Variants in FER1L6 observed in about 807,000 individuals in gnomAD.
FER1L6 encodes fer-1-like protein 6.
Under a neutral mutation model 219.2 loss-of-function variants are expected in FER1L6, and 177 were observed. That is an observed-to-expected ratio of 0.81 (90% CI 0.71 to 0.91). The LOEUF (loss-of-function observed/expected upper bound fraction) is 0.91. Among genes scored for constraint, FER1L6 ranks in the 40% least tolerant of loss-of-function variants. FER1L6 has a pLI of 0.00. For missense variants in FER1L6, 2,153 were observed against 2,259.9 expected (o/e 0.95, Z 0.96); for synonymous variants, 768 against 824.3 (o/e 0.93, Z 1.17).
intron 1 of FER1L6, among the ~76,000 whole-genome samples, chr8:123,882,367 C>T (rs952741750): frequency 3.9e-5 from 6 of 152,096 alleles, no homozygotes; most frequent in African/African-American, 9.7e-5. Context: ...TAGATGAAAT[C>T]GGAGTGATTA....
chr8:123,988,594 T>C (rs568849019), intron 12 of FER1L6, among the ~76,000 whole-genome samples: 1 of 152,216 alleles, frequency 6.6e-6, no homozygotes, highest in East Asian at 1.9e-4. Context: ...CTATTGTAAA[T>C]GGGATTACTT....
At chr8:123,991,206 T>C (rs1816840303) in intron 12 of FER1L6, among the ~76,000 whole-genome samples, 1 of 152,164 alleles carries the variant, frequency 6.6e-6, no homozygotes, top group South Asian at 2.1e-4. Context: ...CTTTTTTTGG[T>C]TTTACATGAA....
chr8:123,917,671 T>G (rs1813228434), intron 1 of FER1L6, among the ~76,000 whole-genome samples: 2 of 152,336 alleles, frequency 1.3e-5, no homozygotes, highest in Admixed American at 1.3e-4. Context: ...AAAAGTAAAA[T>G]TAATCCCAAA....
At chr8:124,101,069 G>A (rs761688552) in intron 37 of FER1L6, 28 bp from the exon 38 acceptor site, 1 of 1,608,708 alleles carries the variant, frequency 6.2e-7, no homozygotes, top group Non-Finnish European at 8.5e-7. Context: ...TACTCTGAGT[G>A]TTTAAATTAT....
At chr8:123,993,764 A>T (rs1816982977) in intron 12 of FER1L6, among the ~76,000 whole-genome samples, 1 of 152,200 alleles carries the variant, frequency 6.6e-6, no homozygotes, top group Admixed American at 6.5e-5. Context: ...GGGCTGCCAC[A>T]ATCCAGGCTT....
At chr8:123,877,461 T>C (rs924161440) in intron 1 of FER1L6, among the ~76,000 whole-genome samples, 4 of 152,140 alleles carry the variant, frequency 2.6e-5, no homozygotes, top group Admixed American at 2.0e-4. Flanking sequence ...GAAGGATTTG[T>C]GGGGGCTTTG....
At chr8:124,091,692 C>A in intron 34 of FER1L6, 109 bp downstream of exon 34, 2 of 1,142,216 alleles carry the variant, frequency 1.8e-6, no homozygotes, top group Non-Finnish European at 2.5e-6. Context: ...TGTGGCCAGG[C>A]ACAGTGGCTC....
intron 22 of FER1L6, among the ~76,000 whole-genome samples, chr8:124,051,175 C>T (rs1323613567): frequency 2.6e-5 from 4 of 152,116 alleles, no homozygotes. Flanking sequence ...CATGAAGATA[C>T]CAGTCATGCC....
At chr8:123,942,063 G>C (rs1457535939) in intron 1 of FER1L6, among the ~76,000 whole-genome samples, 1 of 152,156 alleles carries the variant, frequency 6.6e-6, no homozygotes, top group Non-Finnish European at 1.5e-5. Flanking sequence ...GAACCCCTGA[G>C]CCCAGGCCCC....
intron 20 of FER1L6, among the ~76,000 whole-genome samples, chr8:124,044,474 T>C (rs1019582801): frequency 5.3e-5 from 8 of 152,164 alleles, no homozygotes; most frequent in Non-Finnish European, 1.0e-4. Context: ...GCAAATGACT[T>C]AATGCTGTGA....
At chr8:124,090,211 T>C (rs1821970086) in intron 33 of FER1L6, among the ~76,000 whole-genome samples, 1 of 152,180 alleles carries the variant, frequency 6.6e-6, no homozygotes. Flanking sequence ...TTTCATACAG[T>C]CTCTCTTTCT....
intron 1 of FER1L6, among the ~76,000 whole-genome samples, chr8:123,862,771 G>A (rs1816768507): frequency 8.8e-6 from 1 of 113,756 alleles, no homozygotes; most frequent in Non-Finnish European, 1.8e-5. Flanking sequence ...TTGCGTAGAG[G>A]TGTTTGTAGT....
chr8:123,922,977 C>G (rs1013658244), intron 1 of FER1L6, among the ~76,000 whole-genome samples: 21 of 152,106 alleles, frequency 1.4e-4, no homozygotes, highest in Non-Finnish European at 2.9e-4. Flanking sequence ...ATACAGCCCC[C>G]CCCCAGACCC....
chr8:123,948,476 A>G (rs1267239564), intron 1 of FER1L6, among the ~76,000 whole-genome samples: 1 of 152,224 alleles, frequency 6.6e-6, no homozygotes, highest in Non-Finnish European at 1.5e-5. Context: ...TTTCCAATCT[A>G]CAAGCATGGA....
chr8:123,862,708 G>A (rs951423903), intron 1 of FER1L6, among the ~76,000 whole-genome samples: 5 of 136,484 alleles, frequency 3.7e-5, no homozygotes, highest in African/African-American at 1.2e-4. Flanking sequence ...TTAGTCTTGG[G>A]AGAGTGTATG....
chr8:123,956,814 G>A (rs939234277), intron 2 of FER1L6, among the ~76,000 whole-genome samples: 2 of 152,188 alleles, frequency 1.3e-5, no homozygotes, highest in East Asian at 1.9e-4. Flanking sequence ...AAGCAACAGC[G>A]TTGGGATGTA....
intron 24 of FER1L6, among the ~76,000 whole-genome samples, chr8:124,061,430 G>A (rs1296193982): frequency 1.3e-5 from 2 of 151,970 alleles, no homozygotes; most frequent in Admixed American, 1.3e-4. Context: ...TGAGTCTCGG[G>A]GGCCACCAGG....
rs911090658 is a variant in FER1L6 at position 123,853,967 on chromosome 8, G to C, written c.-8+1782G>C. Among the ~76,000 whole-genome samples the C allele has an allele frequency of 1.3e-5, 2 of 152,174 alleles. No homozygotes were observed. Among genetic ancestry groups the C allele is most frequent in the Non-Finnish European group, 2.9e-5 (2 of 68,030 alleles). On this transcript the variant is annotated intron_variant, in intron 1 of 40. Coordinates refer to ENST00000522917, the MANE Select transcript of FER1L6 (RefSeq NM_001039112.2). This position sits in a 1 kb window ranked among gnomAD's most constrained non-coding sequence, Gnocchi z 6.6. ...AGGGCTTCTGTGGGCCTGGCTCTCA[G>C]GGAAGCATCAGGGACCGTGATTAGA... is the stretch of plus-strand genomic sequence containing the variant.
At position 124,082,533 on chromosome 8, in the gene FER1L6, C is replaced by T. The variant is rs1821603949; in HGVS notation, c.4391+75C>T. On this transcript the variant is annotated intron_variant, in intron 33 of 40. Coordinates refer to ENST00000522917, the MANE Select transcript of FER1L6 (RefSeq NM_001039112.2). ...CCTTTAGGGCTCCAGACTCTGCATC[C>T]CAGTTGTCCATCTCTAGGAAGGCCA... The T allele has an allele frequency of 2.2e-6, 3 of 1,381,194 alleles. No homozygotes were observed. In the Admixed American group the frequency reaches 5.8e-5, roughly 27 times the overall value. The allele number at this position is 1,381,194 out of a possible 1,614,324, so 85.6% of individuals were successfully genotyped here.
Sources: gnomAD v4.1 joint callset for allele counts (sites outside exome capture counted in the v4.1 genomes callset) on GRCh38, gnomAD v4.1.1 for gene constraint, Gnocchi (gnomAD v3.1) non-coding constraint, MANE v1.5 for transcripts, NCBI Gene and HGNC (gene_info 2026-07-23, HGNC 2026-07-21) for gene names.